GNAL: variants seen among roughly 807,000 people sequenced by gnomAD.
GNAL encodes the protein guanine nucleotide-binding protein G(olf) subunit alpha.
In GNAL, 18 loss-of-function variants were observed where a neutral mutation model predicts 55.1. That is an observed-to-expected ratio of 0.33 (90% CI 0.23 to 0.48). The LOEUF (loss-of-function observed/expected upper bound fraction) is 0.48, where lower values mean the gene tolerates loss of function less well. GNAL is among the 20% of genes least tolerant of loss of function. The pLI, the probability that GNAL is intolerant of heterozygous loss-of-function variation, is 0.99. For missense variants in GNAL, 412 were observed against 614.1 expected (o/e 0.67, Z 3.48); for synonymous variants, 253 against 237.0 (o/e 1.07, Z -0.62).
chr18:11,717,015 G>A (rs1200388801), intron 1 of GNAL, among the ~76,000 whole-genome samples: 2 of 152,362 alleles, frequency 1.3e-5, no homozygotes, highest in East Asian at 3.9e-4. Context: ...TGGTCAGGGA[G>A]GCTCAGCTTT....
chr18:11,752,642 C>G lies in GNAL; in HGVS notation c.377-211C>G. The G allele has an allele frequency of 6.9e-7, 1 of 1,454,054 alleles. No homozygotes were observed. The highest frequency in any genetic ancestry group is 9.0e-7 in the Non-Finnish European group (1 of 1,107,696). 90.1% of individuals were successfully genotyped at this position (1,454,054 alleles called of 1,614,324 possible). On this transcript the variant is annotated intron_variant, in intron 1 of 11. Transcript: ENST00000334049. The surrounding 1 kb of genome is among the most constrained non-coding windows in gnomAD (Gnocchi z 4.5). Reference sequence around the variant, plus strand: ...GGAGCGCACAGCCAGGAGCGGCGAGCGCCAGGCTGGGCGGGCAGGGCCGGG... The same window carrying G: ...GGAGCGCACAGCCAGGAGCGGCGAGGGCCAGGCTGGGCGGGCAGGGCCGGG...
rs2036320927 is a variant in GNAL, at chr18:11,868,689, T to C, written c.1031+26T>C. 2.5e-6 allele frequency: 4 copies of C among 1,585,560 alleles called. No individual in the cohort carries two copies. Among genetic ancestry groups the C allele is most frequent in the Non-Finnish European group, 3.4e-6 (4 of 1,165,612 alleles). On this transcript the variant is annotated intron_variant, in intron 9 of 11. Coordinates refer to ENST00000334049, the MANE Select transcript of GNAL (RefSeq NM_182978.4). This position sits in a 1 kb window ranked among gnomAD's most constrained non-coding sequence, Gnocchi z 4.0. ...GTGACAAAAATAGCAAATTCAGTCT[T>C]ACCATTGGATTGCAAATTTTCTTTT...
chr18:11,838,166 C>T (rs1002731123), intron 5 of GNAL, among the ~76,000 whole-genome samples: 5 of 151,990 alleles, frequency 3.3e-5, no homozygotes, highest in East Asian at 1.9e-4. Flanking sequence ...GCCCATCAGC[C>T]GATGAGTGGA....
intron 9 of GNAL, among the ~76,000 whole-genome samples, chr18:11,871,687 C>T (rs966857996): frequency 6.6e-6 from 1 of 152,192 alleles, no homozygotes; most frequent in Admixed American, 6.5e-5. Flanking sequence ...TCATATATTA[C>T]TTTGTTGTTG....
rs1338895293 is a variant in GNAL at position 11,803,035 on chromosome 18, G to T, written c.625-21883G>T. On this transcript the variant is annotated intron_variant, in intron 4 of 11. Transcript: ENST00000334049. ...ACTTGGAGATGGAAAGTACTGGATTGTTTTTGTTTTGTTTTCATAATATAT... is the reference window on the plus strand; with the variant it reads ...ACTTGGAGATGGAAAGTACTGGATTTTTTTTGTTTTGTTTTCATAATATAT... Among the ~76,000 whole-genome samples the T allele has an allele frequency of 2.6e-5, 4 of 152,136 alleles. No homozygotes were observed. In the East Asian group the frequency reaches 7.7e-4, roughly 29 times the overall value.
chr18:11,733,585 GA>G (rs1433378987), intron 1 of GNAL, among the ~76,000 whole-genome samples: 1 of 152,160 alleles, frequency 6.6e-6, no homozygotes, highest in Non-Finnish European at 1.5e-5. Flanking sequence ...ATACACTATG[GA>G]ATACTATTCA....
chr18:11,753,687 G>A lies in GNAL; in HGVS notation c.504+5G>A. 6.3e-7 allele frequency: 1 copy of A among 1,587,598 alleles called. No homozygotes were observed. The highest frequency in any genetic ancestry group is 1.7e-4 in the Middle Eastern group (1 of 6,004). ...AATGTTAAAGATGCTATCGTGGTAA[G>A]GACTTTTTTAAATGATTGTTTACTA... On this transcript the variant is annotated splice_donor_5th_base_variant and intron_variant, in intron 3 of 11. Coordinates refer to ENST00000334049, the MANE Select transcript of GNAL (RefSeq NM_182978.4).
In GNAL at chr18:11,828,661, T is replaced by TAA. The variant is rs112211966; in HGVS notation, c.722+3657_722+3658dup. On this transcript the variant is annotated intron_variant, in intron 5 of 11. Transcript: ENST00000334049. ...TGCCACATTAGAAATTTTTCTGTTG[T>TAA]AAAAAAAAAAAATGGACAAGTTATT... Among the ~76,000 whole-genome samples the TAA allele has an allele frequency of 2.5e-3, 372 of 146,652 alleles. 3 individuals are homozygous for TAA. The highest frequency in any genetic ancestry group is 8.3e-3 in the African/African-American group (333 of 40,184).
At chr18:11,864,136 G>A (rs866867252) in intron 6 of GNAL, among the ~76,000 whole-genome samples, 21 of 147,680 alleles carry the variant, frequency 1.4e-4, no homozygotes, top group Middle Eastern at 3.5e-3. Flanking sequence ...ACCCAGGCTG[G>A]AATGCAATGG....
intron 5 of GNAL, among the ~76,000 whole-genome samples, chr18:11,825,289 T>C (rs1016637893): frequency 5.3e-5 from 8 of 152,234 alleles, no homozygotes; most frequent in Non-Finnish European, 8.8e-5. Flanking sequence ...TAGAGCTATA[T>C]GCATATTGGT....
chr18:11,846,166 G>A (rs371285538), intron 5 of GNAL, among the ~76,000 whole-genome samples: 2 of 152,038 alleles, frequency 1.3e-5, no homozygotes. Flanking sequence ...TCTCAAAGTG[G>A]TAAGTTGTTC....
chr18:11,692,560 A>G (rs931915127), intron 1 of GNAL, among the ~76,000 whole-genome samples: 1 of 152,140 alleles, frequency 6.6e-6, no homozygotes, highest in Non-Finnish European at 1.5e-5. Context: ...GGTAAAATAA[A>G]TCTTCGGATA....
At chr18:11,690,198 C>T (rs1370988145) in intron 1 of GNAL, among the ~76,000 whole-genome samples, 1 of 152,166 alleles carries the variant, frequency 6.6e-6, no homozygotes, top group Non-Finnish European at 1.5e-5. Flanking sequence ...GAGCTTACTG[C>T]CGCTCGCTCT....
At chr18:11,732,063 T>G (rs1002936663) in intron 1 of GNAL, among the ~76,000 whole-genome samples, 1 of 152,254 alleles carries the variant, frequency 6.6e-6, no homozygotes, top group Non-Finnish European at 1.5e-5. Flanking sequence ...AGGTATACCA[T>G]ATTTTGTCTA....
intron 5 of GNAL, among the ~76,000 whole-genome samples, chr18:11,844,796 G>GC (rs2035695327): frequency 6.6e-6 from 1 of 152,132 alleles, no homozygotes; most frequent in Non-Finnish European, 1.5e-5. Context: ...ATTTTAATGT[G>GC]CAACAAAATT....
At chr18:11,767,897 T>C (rs929889840) in intron 4 of GNAL, among the ~76,000 whole-genome samples, 1 of 151,526 alleles carries the variant, frequency 6.6e-6, no homozygotes, top group Non-Finnish European at 1.5e-5. Context: ...GATGTCCTTA[T>C]TTAAATATTG....
intron 4 of GNAL, among the ~76,000 whole-genome samples, chr18:11,817,749 G>T (rs74865744): frequency 0.049 from 7,360 of 149,416 alleles, 322 homozygotes; most frequent in African/African-American, 0.097. Context: ...CCACAACACC[G>T]GGCTAATTTT....
intron 4 of GNAL, among the ~76,000 whole-genome samples, chr18:11,784,775 G>A (rs1411704671): frequency 6.6e-6 from 1 of 152,152 alleles, no homozygotes; most frequent in Non-Finnish European, 1.5e-5. Flanking sequence ...CCAAAAGCCA[G>A]TACCTGGTCT....
At chr18:11,786,525 T>C (rs2034066200) in intron 4 of GNAL, among the ~76,000 whole-genome samples, 1 of 124,744 alleles carries the variant, frequency 8.0e-6, no homozygotes, top group African/African-American at 3.0e-5. Context: ...CTCAGCTCAC[T>C]GCAAGCTCTG....
Sources: gnomAD v4.1 joint callset for allele counts (sites outside exome capture counted in the v4.1 genomes callset) on GRCh38, gnomAD v4.1.1 for gene constraint, Gnocchi (gnomAD v3.1) non-coding constraint, MANE v1.5 for transcripts, NCBI Gene and HGNC (gene_info 2026-07-23, HGNC 2026-07-21) for gene names.